The following MDFIC2 variants were observed in gnomAD, a reference collection of about 807,000 sequenced individuals.
MDFIC2 encodes myoD family inhibitor domain-containing protein 2.
intron 2 of MDFIC2, among the ~76,000 whole-genome samples, chr3:70,241,516 T>C (rs1446336940): frequency 6.6e-6 from 1 of 152,188 alleles, no homozygotes; most frequent in African/African-American, 2.4e-5. Context: ...AAGCCCTTTA[T>C]TTTTATTATC....
Position 70,195,275 on chromosome 3 carries a change from G to A in MDFIC2, c.*1651C>T, listed in dbSNP as rs1461989145. ...ATTGAGTATAGAGCTGTTTCTTCGA[G>A]CTTCTGAAAAGCAGAAAGACTTTTT... On this transcript the variant is annotated 3_prime_UTR_variant, in exon 4 of 4. Coordinates refer to ENST00000567252, the MANE Select transcript of MDFIC2 (RefSeq NM_001364677.1). 1.3e-5 allele frequency among the ~76,000 whole-genome samples: 2 copies of A among 152,074 alleles called. No homozygotes were observed. The highest frequency in any genetic ancestry group is 6.5e-5 in the Admixed American group (1 of 15,270).
intron 3 of MDFIC2, chr3:70,204,455 T>C (rs755196050): frequency 6.6e-6 from 1 of 152,190 alleles, no homozygotes; most frequent in Admixed American, 6.6e-5. Context: ...GGTCTTAGGT[T>C]GGCTTCTTTT....
intron 2 of MDFIC2, among the ~76,000 whole-genome samples, chr3:70,292,692 T>C (rs1702250127): frequency 1.3e-5 from 2 of 152,072 alleles, no homozygotes. Context: ...GTTTTCTCTT[T>C]TTTGATGTAC....
chr3:70,237,963 A>T (rs1396380180), intron 2 of MDFIC2, among the ~76,000 whole-genome samples: 1 of 118,926 alleles, frequency 8.4e-6, no homozygotes, highest in Non-Finnish European at 1.6e-5. Flanking sequence ...GGGAAAAGAA[A>T]CTAATTGAGT....
chr3:70,293,948 C>G (rs571625155), intron 2 of MDFIC2, among the ~76,000 whole-genome samples: 1 of 152,044 alleles, frequency 6.6e-6, no homozygotes, highest in South Asian at 2.1e-4. Flanking sequence ...TATCTGATGA[C>G]AGAGGGAGCA....
intron 2 of MDFIC2, among the ~76,000 whole-genome samples, chr3:70,212,273 A>G (rs1243052234): frequency 6.6e-6 from 1 of 152,154 alleles, no homozygotes; most frequent in Non-Finnish European, 1.5e-5. Context: ...TCACACTTGT[A>G]ACTGTCTATT....
chr3:70,198,028 G>A (rs1189685956), intron 3 of MDFIC2, among the ~76,000 whole-genome samples: 1 of 152,170 alleles, frequency 6.6e-6, no homozygotes, highest in African/African-American at 2.4e-5. Flanking sequence ...TTAGTTAGAA[G>A]ATGTAGCAGT....
At chr3:70,252,683 C>T (rs1019079135) in intron 2 of MDFIC2, among the ~76,000 whole-genome samples, 8 of 152,070 alleles carry the variant, frequency 5.3e-5, no homozygotes, top group African/African-American at 1.4e-4. Flanking sequence ...CTGTATTGCC[C>T]TATGTTTATT....
chr3:70,298,381 C>T (rs1440418130), intron 2 of MDFIC2, among the ~76,000 whole-genome samples: 4 of 152,008 alleles, frequency 2.6e-5, no homozygotes, highest in Admixed American at 2.0e-4. Flanking sequence ...GTTTAGTTAG[C>T]CAACATCAAC....
chr3:70,234,960 T>A (rs1233501715), intron 2 of MDFIC2, among the ~76,000 whole-genome samples: 1 of 152,190 alleles, frequency 6.6e-6, no homozygotes, highest in Non-Finnish European at 1.5e-5. Context: ...TGGAGTGCAG[T>A]CTGGGCATCA....
chr3:70,265,421 A>G (rs77656299), intron 2 of MDFIC2, among the ~76,000 whole-genome samples: 20,645 of 152,048 alleles, frequency 0.14, 1,531 homozygotes, highest in East Asian at 0.23. Flanking sequence ...AAGGCAGGAA[A>G]TCTCTTGATT....
chr3:70,306,605 C>T (rs935646114), intron 2 of MDFIC2, among the ~76,000 whole-genome samples: 2 of 151,536 alleles, frequency 1.3e-5, no homozygotes, highest in African/African-American at 4.9e-5. Context: ...TTTTTTTTCT[C>T]TCTCATGAAT....
intron 2 of MDFIC2, among the ~76,000 whole-genome samples, chr3:70,235,336 A>G (rs1003934570): frequency 6.6e-6 from 1 of 152,080 alleles, no homozygotes; most frequent in Admixed American, 6.6e-5. Context: ...TCCATCTTCA[A>G]ATTCCTCTGG....
At position 70,309,404 on chromosome 3, in the gene MDFIC2, CAT is replaced by C. The variant is rs1373721058; in HGVS notation, c.88+2480_88+2481del. On this transcript the variant is annotated intron_variant, in intron 2 of 3. Transcript: ENST00000567252. ...AAGTGTGAACTAAGCTCTCAAAAAA[CAT>C]AACTGTATTATTCTGAGTAATGCTT... Among the ~76,000 whole-genome samples the C allele has an allele frequency of 2.0e-4, 31 of 152,102 alleles. 1 individual carries two copies. Among genetic ancestry groups the C allele is most frequent in the Non-Finnish European group, 5.9e-5 (4 of 68,012 alleles).
chr3:70,219,654 A>AATTGAAAATTGATAC lies in MDFIC2; in HGVS notation c.89-12865_89-12864insGTATCAATTTTCAAT, dbSNP rs1244781116. Among the ~76,000 whole-genome samples, 3 of 152,322 alleles carry AATTGAAAATTGATAC rather than the reference A, an allele frequency of 2.0e-5. No homozygotes were observed. The East Asian group carries it at 5.8e-4, about 29-fold the overall frequency. The stretch of plus-strand genomic sequence containing the variant: ...GTGTGAACCAAGAGAGATACTGAAG[A>AATTGAAAATTGATAC]ATTCAAAATTGAAATGACAGAATTA... On this transcript the variant is annotated intron_variant, in intron 2 of 3. Transcript: ENST00000567252.
intron 2 of MDFIC2, among the ~76,000 whole-genome samples, chr3:70,247,461 T>A (rs1018964961): frequency 1.3e-5 from 2 of 151,798 alleles, no homozygotes; most frequent in African/African-American, 4.8e-5. Flanking sequence ...GTATTCTTTA[T>A]CATATAATAT....
At chr3:70,197,471 G>A (rs1701193731) in intron 3 of MDFIC2, among the ~76,000 whole-genome samples, 1 of 152,122 alleles carries the variant, frequency 6.6e-6, no homozygotes, top group East Asian at 1.9e-4. Flanking sequence ...TACTTTGCCT[G>A]CAAGGCTCTG....
chr3:70,289,583 T>C (rs1246824740), intron 2 of MDFIC2, among the ~76,000 whole-genome samples: 208 of 149,400 alleles, frequency 1.4e-3, no homozygotes, highest in Non-Finnish European at 1.4e-3. Flanking sequence ...GTTCTCTGTA[T>C]TTCCTGAATC....
chr3:70,268,319 CA>C lies in MDFIC2; in HGVS notation c.88+43566del, dbSNP rs113030416. 3.6e-4 allele frequency among the ~76,000 whole-genome samples: 55 copies of C among 151,990 alleles called. 1 individual carries two copies. The highest frequency in any genetic ancestry group is 1.3e-3 in the African/African-American group (55 of 41,474). On this transcript the variant is annotated intron_variant, in intron 2 of 3. Transcript: ENST00000567252. ...AACACCCACCGTCTGTACTAAAATA[CA>C]AAAAATTAGCCAGGCGTGGTTGTGT...
Sources: gnomAD v4.1 joint callset for allele counts (sites outside exome capture counted in the v4.1 genomes callset) on GRCh38, gnomAD v4.1.1 for gene constraint, MANE v1.5 for transcripts, NCBI Gene and HGNC (gene_info 2026-07-23, HGNC 2026-07-21) for gene names.